Variants in AMACR observed in about 807,000 individuals in gnomAD.
AMACR encodes the protein alpha-methylacyl-CoA racemase, also known as 2-methylacyl-CoA racemase.
In AMACR, 18 loss-of-function variants were observed where a neutral mutation model predicts 22.2. That is an observed-to-expected ratio of 0.81 (90% confidence interval 0.56 to 1.20). The LOEUF (loss-of-function observed/expected upper bound fraction) is 1.20, where lower values mean the gene tolerates loss of function less well. Among genes scored for constraint, AMACR ranks in the 50% most tolerant of loss-of-function variants. The pLI is 0.00. For missense variants in AMACR, 499 were observed against 490.6 expected (o/e 1.02, Z -0.16); for synonymous variants, 213 against 191.3 (o/e 1.11, Z -0.94).
At position 33,989,308 on chromosome 5, in the gene AMACR, G is replaced by A. The variant is rs201507169; in HGVS notation, c.934C>T (p.Arg312Trp). ...TCCTCACTGGTGATAAACGAGCCCC[G>A]TTCCTTGTTGTGATCATGATGAACA... is the stretch of plus-strand genomic sequence containing the variant. ...EVVHHDHNKE[R>W]GSFITSEEQD... Residue 312 changes from arginine (R) to tryptophan (W), a missense_variant, in exon 5 of 5, where the codon CGG becomes TGG. Physicochemically the swap from Arg to Trp is moderately radical, Grantham distance 101. Coordinates refer to ENST00000335606, the MANE Select transcript of AMACR (RefSeq NM_014324.6). 9.9e-6 allele frequency: 16 copies of A among 1,614,138 alleles called. No individual in the cohort carries two copies. In the Admixed American group the frequency reaches 1.3e-4, roughly 13 times the overall value.
chr5:33,991,523 C>T lies in AMACR; in HGVS notation c.740-2021G>A, dbSNP rs138172058. On this transcript the variant is annotated intron_variant, in intron 4 of 4. Transcript: ENST00000335606. ...GGAACTAGCCTGGGGACTCAGACAC[C>T]ATTTAAAACTTGGGAAAGCATGTTT... Among the ~76,000 whole-genome samples the T allele has an allele frequency of 1.5e-3, 223 of 152,134 alleles. 1 individual carries two copies. Among genetic ancestry groups the T allele is most frequent in the African/African-American group, 5.1e-3 (210 of 41,492 alleles).
intron 3 of AMACR, among the ~76,000 whole-genome samples, chr5:34,002,653 A>G (rs1319303861): frequency 6.6e-6 from 1 of 152,204 alleles, no homozygotes; most frequent in South Asian, 2.1e-4. Flanking sequence ...TTCAATGCCA[A>G]TGATAGTAGC....
intron 4 of AMACR, chr5:33,997,290 G>T (rs865859143): frequency 6.5e-6 from 5 of 772,826 alleles, no homozygotes; most frequent in African/African-American, 1.7e-5. Flanking sequence ...TTCTGTGAAG[G>T]AAACTGAAGC....
In AMACR at chr5:34,005,785, C is replaced by A; in HGVS notation, c.362G>T (p.Gly121Val). 1.9e-6 allele frequency: 3 copies of A among 1,614,050 alleles called. No individual in the cohort carries two copies. The highest frequency in any genetic ancestry group is 2.5e-6 in the Non-Finnish European group (3 of 1,180,018). The change falls in exon 2 of 5, where the codon GGC becomes GTC. Residue 121 changes from glycine to valine, a missense_variant. Gly to Val is a moderately radical substitution (Grantham distance 109, BLOSUM62 -3). Transcript: ENST00000335606. ...CAAAGCCAAATAGTTGATATCGTGG[C>A]CAGCTAACCGGCAGAAGCTTCCTGA... ...GQSGSFCRLA[G>V]HDINYLALSG...
intron 3 of AMACR, among the ~76,000 whole-genome samples, chr5:34,003,590 G>C (rs1223612030): frequency 6.6e-6 from 1 of 152,174 alleles, no homozygotes; most frequent in African/African-American, 2.4e-5. Context: ...TCTATGCTCT[G>C]ACCACTGTGT....
rs1289234872 is a variant in AMACR at position 34,005,910 on chromosome 5, A to C, written c.248-11T>G. The C allele has an allele frequency of 6.2e-7, 1 of 1,613,956 alleles. No homozygotes were observed. The highest frequency in any genetic ancestry group is 8.5e-7 in the Non-Finnish European group (1 of 1,180,012). On this transcript the variant is annotated splice_polypyrimidine_tract_variant and intron_variant, in intron 1 of 4. Coordinates refer to ENST00000335606, the MANE Select transcript of AMACR (RefSeq NM_014324.6). The stretch of plus-strand genomic sequence containing the variant: ...GTTTCTCCATGACACCTTAAGAGAA[A>C]AGTAACGATCTTCTTAAGAGAGTAT...
At chr5:33,992,284 C>T (rs1753503900) in intron 4 of AMACR, among the ~76,000 whole-genome samples, 1 of 151,798 alleles carries the variant, frequency 6.6e-6, no homozygotes, top group East Asian at 1.9e-4. Context: ...TATGATATGG[C>T]TGCTATATCA....
At chr5:33,999,667 G>T (rs760952087) in intron 3 of AMACR, among the ~76,000 whole-genome samples, 1 of 152,178 alleles carries the variant, frequency 6.6e-6, no homozygotes, top group Non-Finnish European at 1.5e-5. Context: ...AAGCATCCTC[G>T]TCTCAAAAGC....
chr5:34,007,128 G>T (rs1306516080), intron 1 of AMACR, among the ~76,000 whole-genome samples: 1 of 152,246 alleles, frequency 6.6e-6, no homozygotes, highest in Non-Finnish European at 1.5e-5. Flanking sequence ...TGCTGTTTTA[G>T]AAGGAAGAAG....
intron 4 of AMACR, chr5:33,994,110 G>C: frequency 2.2e-6 from 1 of 453,752 alleles, no homozygotes; most frequent in Non-Finnish European, 4.4e-6. Flanking sequence ...TTAAAGTATG[G>C]TATCAAAGAT....
In AMACR at chr5:33,986,429, TGGTATCCC is replaced by T. The variant is rs1485801287; in HGVS notation, c.*2656_*2663del. On this transcript the variant is annotated 3_prime_UTR_variant, in exon 5 of 5. Transcript: ENST00000335606. Reference sequence around the variant, plus strand: ...GAGAACAGGTCTGTTTTGTTCATTATGGTATCCCCAGCAAGTATCATGATACCTGGCAC... The same window carrying T: ...GAGAACAGGTCTGTTTTGTTCATTATCAGCAAGTATCATGATACCTGGCAC... The T allele has an allele frequency of 6.6e-6, 1 of 152,262 alleles. No homozygotes were observed. Among genetic ancestry groups the T allele is most frequent in the African/African-American group, 2.4e-5 (1 of 41,472 alleles). 9.4% of individuals were successfully genotyped at this position (152,262 alleles called of 1,614,324 possible).
chr5:34,007,524 G>A (rs1324379178), intron 1 of AMACR, among the ~76,000 whole-genome samples: 2 of 152,182 alleles, frequency 1.3e-5, no homozygotes, highest in African/African-American at 4.8e-5. Context: ...AGGAATTTGG[G>A]AAGGAGTCAG....
intron 4 of AMACR, among the ~76,000 whole-genome samples, chr5:33,992,533 T>C (rs1210918631): frequency 1.3e-5 from 2 of 151,822 alleles, no homozygotes; most frequent in Non-Finnish European, 2.9e-5. Context: ...CTTAGTAAAG[T>C]CCCTGTCTCT....
chr5:33,995,859 T>C (rs1753616752), intron 4 of AMACR, among the ~76,000 whole-genome samples: 1 of 152,230 alleles, frequency 6.6e-6, no homozygotes, highest in African/African-American at 2.4e-5. Context: ...GGAGCATTTA[T>C]TCAAGAAAAA....
chr5:34,001,419 G>T (rs543154348), intron 3 of AMACR, among the ~76,000 whole-genome samples: 1 of 152,230 alleles, frequency 6.6e-6, no homozygotes, highest in African/African-American at 2.4e-5. Context: ...TTTGAACATG[G>T]TTTGAACAGC....
In AMACR at chr5:33,988,561, CT is replaced by C; in HGVS notation, c.*531del. On this transcript the variant is annotated 3_prime_UTR_variant, in exon 5 of 5. Transcript: ENST00000335606. ...GCATTCTGATTCAATACAGGTGAAA[CT>C]TTTCTTTGCAAATTACAAAGTGTGA... The C allele has an allele frequency of 7.3e-7, 1 of 1,360,898 alleles. No homozygotes were observed. Among genetic ancestry groups the C allele is most frequent in the Non-Finnish European group, 9.4e-7 (1 of 1,059,554 alleles). 84.3% of individuals were successfully genotyped at this position (1,360,898 alleles called of 1,614,324 possible).
At chr5:33,997,395 T>G (rs775983398) in intron 4 of AMACR, 1 of 777,372 alleles carries the variant, frequency 1.3e-6, no homozygotes, top group Non-Finnish European at 2.4e-6. Flanking sequence ...CAACGGTTAC[T>G]GCCACACAAA....
chr5:33,996,638 T>TGCCAGGTGTGGTAGTGCG (rs11272840), intron 4 of AMACR, among the ~76,000 whole-genome samples: 2 of 151,888 alleles, frequency 1.3e-5, no homozygotes, highest in African/African-American at 4.8e-5. Flanking sequence ...ATAAAAAATT[T>TGCCAGGTGTGGTAGTGCG]TGCCTATAGT....
chr5:34,004,534 T>C, intron 3 of AMACR, 40 bp downstream of exon 3: 1 of 1,613,524 alleles, frequency 6.2e-7, no homozygotes, highest in Non-Finnish European at 8.5e-7. Context: ...ATCTTAAACT[T>C]AGGGACAAGT....
Sources: gnomAD v4.1 joint callset for allele counts (sites outside exome capture counted in the v4.1 genomes callset) on GRCh38, gnomAD v4.1.1 for gene constraint, MANE v1.5 for transcripts, NCBI Gene and HGNC (gene_info 2026-07-23, HGNC 2026-07-21) for gene names.